The following SERGEF variants were observed in gnomAD, a reference collection of about 807,000 sequenced individuals.
The protein encoded by SERGEF is secretion-regulating guanine nucleotide exchange factor.
A neutral mutation model predicts 50.0 loss-of-function variants in SERGEF; 51 were observed. That is an observed-to-expected ratio of 1.02 (90% CI 0.81 to 1.29). SERGEF has a LOEUF of 1.29. Among genes scored for constraint, SERGEF ranks in the 50% most tolerant of loss-of-function variants. SERGEF has a pLI of 0.00. For missense variants in SERGEF, 521 were observed against 557.0 expected (o/e 0.94, Z 0.65); for synonymous variants, 205 against 212.4 (o/e 0.97, Z 0.30).
chr11:17,920,766 C>T (rs569099102), intron 9 of SERGEF, among the ~76,000 whole-genome samples: 6 of 152,300 alleles, frequency 3.9e-5, no homozygotes, highest in African/African-American at 9.6e-5. Context: ...AGCAGGTCTA[C>T]GTATGCATAG....
At chr11:17,917,126 T>C (rs572116021) in intron 9 of SERGEF, among the ~76,000 whole-genome samples, 2 of 152,352 alleles carry the variant, frequency 1.3e-5, no homozygotes, top group Admixed American at 6.5e-5. Context: ...TGCATGTTTA[T>C]AGCAGTACAA....
In SERGEF at chr11:17,984,280, T is replaced by C. The variant is rs77227819; in HGVS notation, c.844+4317A>G. On this transcript the variant is annotated intron_variant, in intron 8 of 10. Coordinates refer to ENST00000265965, the MANE Select transcript of SERGEF (RefSeq NM_012139.4). ...TCTGTAGGCTGTACAGGAAGCATAGTTCGAGCATTAGCTTCTGGGGAGGCC... is the reference window on the plus strand; with the variant it reads ...TCTGTAGGCTGTACAGGAAGCATAGCTCGAGCATTAGCTTCTGGGGAGGCC... Among the ~76,000 whole-genome samples the C allele has an allele frequency of 7.6e-3, 1,157 of 152,234 alleles. 13 individuals carry two copies. Among genetic ancestry groups the C allele is most frequent in the African/African-American group, 0.026 (1,099 of 41,518 alleles).
chr11:17,928,687 G>A (rs1270002945), intron 9 of SERGEF, among the ~76,000 whole-genome samples: 2 of 152,020 alleles, frequency 1.3e-5, no homozygotes, highest in Non-Finnish European at 1.5e-5. Context: ...ATCAGTGTCA[G>A]TCGAGACTAC....
chr11:17,900,098 A>G (rs1013975751), intron 9 of SERGEF, among the ~76,000 whole-genome samples: 1 of 152,242 alleles, frequency 6.6e-6, no homozygotes, highest in Non-Finnish European at 1.5e-5. Context: ...GCTTTAAACA[A>G]TATTTCAAAG....
At chr11:17,792,931 A>G (rs1209177468) in intron 10 of SERGEF, among the ~76,000 whole-genome samples, 2 of 152,238 alleles carry the variant, frequency 1.3e-5, no homozygotes, top group African/African-American at 4.8e-5. Flanking sequence ...AGCTTGCAGC[A>G]TCACACACAA....
In SERGEF at chr11:17,804,857, G is replaced by A. The variant is rs1849729579; in HGVS notation, c.1049-16444C>T. Among the ~76,000 whole-genome samples the A allele has an allele frequency of 1.3e-5, 2 of 152,212 alleles. 1 individual carries two copies. Among genetic ancestry groups the A allele is most frequent in the South Asian group, 4.1e-4 (2 of 4,830 alleles). ...GTCTGTAACTAAACTTCCAGAAGGT[G>A]TTGCAGGGTTTGGAGAACCATTGGT... On this transcript the variant is annotated intron_variant, in intron 10 of 10. Transcript: ENST00000265965.
At chr11:17,846,622 A>T (rs1372552468) in intron 10 of SERGEF, 3 of 445,774 alleles carry the variant, frequency 6.7e-6, no homozygotes, top group Non-Finnish European at 1.4e-5. Flanking sequence ...TCCGATCATC[A>T]GCACTGAAGT....
chr11:17,836,794 G>T (rs1590145757), intron 10 of SERGEF, among the ~76,000 whole-genome samples: 1 of 152,178 alleles, frequency 6.6e-6, no homozygotes, highest in South Asian at 2.1e-4. Flanking sequence ...TGAAAAGTAA[G>T]TCCCGTCCTT....
rs924393271 is a variant in SERGEF at position 17,884,723 on chromosome 11, G to A, written c.1012-6479C>T. ...AATTTGTATTTTATTTCATATATATGTGTATATGTTATATATACATTTTTA... is the reference window on the plus strand; with the variant it reads ...AATTTGTATTTTATTTCATATATATATGTATATGTTATATATACATTTTTA... On this transcript the variant is annotated intron_variant, in intron 9 of 10. Transcript: ENST00000265965. This position sits in a 1 kb window ranked among gnomAD's most constrained non-coding sequence, Gnocchi z 4.6. Among the ~76,000 whole-genome samples, 4 of 152,016 alleles carry A rather than the reference G, an allele frequency of 2.6e-5. No homozygotes were observed. Among genetic ancestry groups the A allele is most frequent in the Non-Finnish European group, 5.9e-5 (4 of 68,020 alleles).
intron 9 of SERGEF, among the ~76,000 whole-genome samples, chr11:17,883,826 T>G (rs2133903345): frequency 6.6e-6 from 1 of 152,320 alleles, no homozygotes; most frequent in Middle Eastern, 3.4e-3. Flanking sequence ...TTTCCAGGGA[T>G]ATTTCTTAGG....
rs186601953 is a variant in SERGEF, at chr11:17,899,243, T to C, written c.1012-20999A>G. On this transcript the variant is annotated intron_variant, in intron 9 of 10. Coordinates refer to ENST00000265965, the MANE Select transcript of SERGEF (RefSeq NM_012139.4). The stretch of plus-strand genomic sequence containing the variant: ...ATACCAGGGCACTTTAAAATCACTG[T>C]ATATTTCCATTTTAATTAATAATTT... Among the ~76,000 whole-genome samples the C allele has an allele frequency of 1.6e-3, 251 of 152,316 alleles. 1 individual carries two copies. The highest frequency in any genetic ancestry group is 1.4e-3 in the Non-Finnish European group (94 of 68,030).
rs557551571 is a variant in SERGEF at position 17,876,880 on chromosome 11, G to T, written c.1048+1328C>A. 1.6e-4 allele frequency among the ~76,000 whole-genome samples: 24 copies of T among 152,302 alleles called. No homozygotes were observed. In the East Asian group the frequency reaches 4.6e-3, roughly 29 times the overall value. ...ATTACACCCAGGCCGAAGCAGTTCC[G>T]GTATAAAGTATCTGGTCCTGCTGCA... is the stretch of plus-strand genomic sequence containing the variant. On this transcript the variant is annotated intron_variant, in intron 10 of 10. Coordinates refer to ENST00000265965, the MANE Select transcript of SERGEF (RefSeq NM_012139.4).
intron 9 of SERGEF, among the ~76,000 whole-genome samples, chr11:17,915,449 C>G (rs149687929): frequency 4.9e-4 from 75 of 152,270 alleles, no homozygotes; most frequent in African/African-American, 1.7e-3. Flanking sequence ...CAGAAGAAAT[C>G]AAAGGGAGAG....
chr11:17,847,440 C>T (rs1399417114), intron 10 of SERGEF, among the ~76,000 whole-genome samples: 3 of 152,204 alleles, frequency 2.0e-5, no homozygotes, highest in East Asian at 3.8e-4. Flanking sequence ...GCATCCAATG[C>T]TTTCTTATTT....
chr11:17,798,538 G>A (rs1046492422), intron 10 of SERGEF, among the ~76,000 whole-genome samples: 1 of 152,266 alleles, frequency 6.6e-6, no homozygotes, highest in South Asian at 2.1e-4. Flanking sequence ...CACCTGCAGT[G>A]AGAGCGTGCT....
intron 10 of SERGEF, among the ~76,000 whole-genome samples, chr11:17,843,467 T>G (rs917980788): frequency 3.9e-5 from 6 of 152,156 alleles, no homozygotes; most frequent in African/African-American, 1.4e-4. Flanking sequence ...AAACTGTAGT[T>G]TAAAGAGATT....
At chr11:17,881,854 T>C (rs1426063062) in intron 9 of SERGEF, among the ~76,000 whole-genome samples, 1 of 152,118 alleles carries the variant, frequency 6.6e-6, no homozygotes, top group Non-Finnish European at 1.5e-5. Context: ...GTCATGCCCA[T>C]GTATAAAACC....
At chr11:17,792,692 C>T (rs1236202430) in intron 10 of SERGEF, among the ~76,000 whole-genome samples, 1 of 152,108 alleles carries the variant, frequency 6.6e-6, no homozygotes, top group East Asian at 1.9e-4. Context: ...TTCTAAGAAC[C>T]ATGTGAGGCA....
intron 4 of SERGEF, 69 bp downstream of exon 4, chr11:18,004,372 G>C (rs779378605): frequency 2.6e-6 from 3 of 1,133,648 alleles, no homozygotes; most frequent in East Asian, 2.5e-5. Flanking sequence ...TTATTCTGGG[G>C]AGAGATAGGT....
Sources: allele counts gnomAD v4.1 joint callset (sites outside exome capture counted in the v4.1 genomes callset), GRCh38; gene constraint gnomAD v4.1.1; non-coding constraint Gnocchi (gnomAD v3.1); transcripts MANE v1.5; gene names NCBI Gene and HGNC (gene_info 2026-07-23, HGNC 2026-07-21).